The following SCARB2 variants were observed in gnomAD, a reference collection of about 807,000 sequenced individuals.
SCARB2 encodes scavenger receptor class B member 2, also known as lysosome membrane protein 2.
In SCARB2, 29 loss-of-function variants were observed where a neutral mutation model predicts 58.6. That is an observed-to-expected ratio of 0.49 (90% CI 0.37 to 0.67). The LOEUF is 0.67. SCARB2 is among the 30% of genes least tolerant of loss of function. SCARB2 has a pLI of 0.00. For synonymous variants in SCARB2, 195 were observed against 210.1 expected (o/e 0.93, Z 0.62); for missense variants, 488 against 578.5 (o/e 0.84, Z 1.60).
In SCARB2 at chr4:76,172,679, C is replaced by CT. The variant is rs5859499; in HGVS notation, c.994+1464dup. On this transcript the variant is annotated intron_variant, in intron 7 of 11. Coordinates refer to ENST00000264896, the MANE Select transcript of SCARB2 (RefSeq NM_005506.4). ...ACTTATTCCAAAATGATATCTTATT[C>CT]TTTTTTTTTTTTTCTTTTTTAAAAG... The CT allele has an allele frequency of 3.0e-3, 445 of 146,888 alleles. 2 individuals are homozygous for CT. Among genetic ancestry groups the CT allele is most frequent in the Middle Eastern group, 7.0e-3 (2 of 286 alleles). 9.1% of individuals were successfully genotyped at this position (146,888 alleles called of 1,614,324 possible).
rs1157500813 is a variant in SCARB2, at chr4:76,169,849, G to A, written c.1113+18C>T. The A allele has an allele frequency of 3.9e-6, 6 of 1,549,462 alleles. No individual in the cohort carries two copies. The highest frequency in any genetic ancestry group is 5.4e-6 in the Non-Finnish European group (6 of 1,121,354). ...AATAAAACATATGCTCTTTTACCAGGAGGAAGTATGTACTCACAGGATTAA... is the reference window on the plus strand; with the variant it reads ...AATAAAACATATGCTCTTTTACCAGAAGGAAGTATGTACTCACAGGATTAA... On this transcript the variant is annotated intron_variant, in intron 8 of 11. Coordinates refer to ENST00000264896, the MANE Select transcript of SCARB2 (RefSeq NM_005506.4).
intron 1 of SCARB2, among the ~76,000 whole-genome samples, chr4:76,203,546 G>C (rs752564626): frequency 2.0e-5 from 3 of 152,220 alleles, no homozygotes; most frequent in Non-Finnish European, 4.4e-5. Context: ...TACCATGTAT[G>C]AAGTGAGACT....
intron 1 of SCARB2, among the ~76,000 whole-genome samples, chr4:76,228,324 CA>C (rs1195466639): frequency 6.6e-6 from 1 of 151,726 alleles, no homozygotes; most frequent in African/African-American, 2.4e-5. Flanking sequence ...TACTAAAATA[CA>C]AAAATTAGCT....
At chr4:76,211,562 T>A (rs112830863) in intron 1 of SCARB2, among the ~76,000 whole-genome samples, 6 of 152,330 alleles carry the variant, frequency 3.9e-5, no homozygotes, top group African/African-American at 1.4e-4. Context: ...TGATCGTTAG[T>A]CCTTATTATC....
intron 7 of SCARB2, 83 bp downstream of exon 7, chr4:76,174,061 A>C: frequency 6.5e-7 from 1 of 1,545,370 alleles, no homozygotes; most frequent in Non-Finnish European, 8.9e-7. Flanking sequence ...GTGCGCCACT[A>C]CGCCCAGCTA....
At chr4:76,191,779 CTTTT>C (rs199744805) in intron 2 of SCARB2, 1 of 70,194 alleles carries the variant, frequency 1.4e-5, no homozygotes, top group Non-Finnish European at 3.0e-5. Flanking sequence ...TTTCTTTCTT[CTTTT>C]TTTTTGAGAC....
At position 76,231,671 on chromosome 4, in the gene SCARB2, G is replaced by A. The variant is rs530531614; in HGVS notation, c.-358+2632C>T. Among the ~76,000 whole-genome samples the A allele has an allele frequency of 5.2e-4, 79 of 152,336 alleles. 1 individual carries two copies. The highest frequency in any genetic ancestry group is 1.6e-3 in the African/African-American group (66 of 41,578). On this transcript the variant is annotated intron_variant, in intron 1 of 11. Transcript: ENST00000638295. ...GCCTTTCGGATTGGCTTCGATGGAA[G>A]TTTGTTCCACAAGGAATCAGATAAG...
chr4:76,226,622 A>G (rs549412216), intron 1 of SCARB2, among the ~76,000 whole-genome samples: 2 of 152,256 alleles, frequency 1.3e-5, no homozygotes, highest in Admixed American at 1.3e-4. Context: ...GACCCAGGAC[A>G]TGTTCCAAGA....
At chr4:76,182,834 A>G (rs1732411884) in intron 2 of SCARB2, among the ~76,000 whole-genome samples, 1 of 152,232 alleles carries the variant, frequency 6.6e-6, no homozygotes, top group Non-Finnish European at 1.5e-5. Flanking sequence ...AAACATCGTA[A>G]GTTGAAAGTT....
intron 11 of SCARB2, 177 bp from the exon 12 acceptor site, chr4:76,161,928 A>C: frequency 1.5e-6 from 1 of 670,096 alleles, no homozygotes. Flanking sequence ...CAGCAGGCCT[A>C]ACCTTTCCAG....
intron 7 of SCARB2, chr4:76,173,803 A>G (rs1164729160): frequency 3.0e-6 from 1 of 328,106 alleles, no homozygotes; most frequent in Non-Finnish European, 5.8e-6. Flanking sequence ...AAAAAACACA[A>G]CATGGCATTC....
intron 1 of SCARB2, among the ~76,000 whole-genome samples, chr4:76,201,356 G>A (rs79071627): frequency 0.024 from 3,612 of 152,244 alleles, 121 homozygotes; most frequent in African/African-American, 0.082. Context: ...AGTCTTTAGT[G>A]TCAGATTGGG....
intron 2 of SCARB2, 93 bp downstream of exon 2, chr4:76,195,614 C>A: frequency 1.9e-6 from 2 of 1,078,140 alleles, no homozygotes; most frequent in Non-Finnish European, 2.9e-6. Context: ...TCCCACACAG[C>A]CCTGGAGCCT....
upstream of SCARB2, chr4:76,213,982 G>A: frequency 5.4e-6 from 1 of 186,260 alleles, no homozygotes; most frequent in South Asian, 8.7e-5. Flanking sequence ...TCCCCGGCCG[G>A]TCCCCGGTGG....
intron 1 of SCARB2, among the ~76,000 whole-genome samples, chr4:76,233,282 G>A (rs557674005): frequency 1.8e-4 from 28 of 152,098 alleles, no homozygotes; most frequent in African/African-American, 6.7e-4. Context: ...GTGTCCCCAG[G>A]CCTTACCAGC....
intron 7 of SCARB2, chr4:76,172,905 A>C (rs13111705): frequency 6.6e-6 from 1 of 152,046 alleles, no homozygotes. Flanking sequence ...AGCTCTCCAG[A>C]GAAATTTTAA....
At position 76,166,834 on chromosome 4, in the gene SCARB2, T is replaced by C. The variant is rs112860443; in HGVS notation, c.1188-533A>G. 978 of 155,662 alleles carry C rather than the reference T, an allele frequency of 6.3e-3. 11 individuals carry two copies. The highest frequency in any genetic ancestry group is 0.022 in the African/African-American group (934 of 41,602). 9.6% of individuals were successfully genotyped at this position (155,662 alleles called of 1,614,324 possible). On this transcript the variant is annotated intron_variant, in intron 9 of 11. Transcript: ENST00000264896. Reference sequence around the variant, plus strand: ...GTAAGTGATGGAGCCACAAATGTAATTCCACTTTGCTTCTAAGATTCCAGC... The same window carrying C: ...GTAAGTGATGGAGCCACAAATGTAACTCCACTTTGCTTCTAAGATTCCAGC...
chr4:76,186,452 G>A (rs916109414), intron 2 of SCARB2, among the ~76,000 whole-genome samples: 11 of 152,102 alleles, frequency 7.2e-5, no homozygotes, highest in Admixed American at 6.5e-4. Flanking sequence ...AGAGAAGAGG[G>A]AAAGCAAGGG....
chr4:76,220,824 C>G (rs762955140), intron 1 of SCARB2, among the ~76,000 whole-genome samples: 4 of 152,196 alleles, frequency 2.6e-5, no homozygotes, highest in Non-Finnish European at 5.9e-5. Context: ...GTCATAGGTA[C>G]ATTTTCTGTT....
Sources: allele counts gnomAD v4.1 joint callset (sites outside exome capture counted in the v4.1 genomes callset), GRCh38; gene constraint gnomAD v4.1.1; transcripts MANE v1.5; gene names NCBI Gene and HGNC (gene_info 2026-07-23, HGNC 2026-07-21).